EGFR: variants seen among roughly 807,000 people sequenced by gnomAD.
EGFR encodes avian erythroblastic leukemia viral (v-erb-b) oncogene homolog.
In EGFR, 58 loss-of-function variants were observed where a neutral mutation model predicts 143.0. That is an observed-to-expected ratio of 0.41 (90% CI 0.33 to 0.50). The LOEUF (loss-of-function observed/expected upper bound fraction) is 0.50. Ranked by LOEUF, EGFR falls within the 20% of genes least tolerant of loss-of-function variation. The pLI is 0.39. For synonymous variants in EGFR, 613 were observed against 594.4 expected, an observed-to-expected ratio of 1.03 and a Z score of -0.45; for missense variants, 1,307 against 1,579.0, an observed-to-expected ratio of 0.83 and a Z score of 2.92.
At chr7:55,055,700 G>GCA (rs1254666806) in intron 1 of EGFR, among the ~76,000 whole-genome samples, 54 of 120,512 alleles carry the variant, frequency 4.5e-4, no homozygotes, top group African/African-American at 1.7e-3. Context: ...TCTCCCTCTT[G>GCA]CACGCACACA....
At chr7:55,156,705 C>T (rs2128938561) in intron 9 of EGFR, 46 bp downstream of exon 9, 1 of 1,614,180 alleles carries the variant, frequency 6.2e-7, no homozygotes, top group Non-Finnish European at 8.5e-7. Flanking sequence ...ACAAAATCTG[C>T]CTTTTTAACT....
intron 1 of EGFR, among the ~76,000 whole-genome samples, chr7:55,025,032 A>G (rs890339182): frequency 6.6e-6 from 1 of 152,226 alleles, no homozygotes; most frequent in Admixed American, 6.5e-5. Flanking sequence ...TGCCAATAGC[A>G]GCAAAGTTCT....
chr7:55,126,263 C>T (rs550056071), intron 1 of EGFR, among the ~76,000 whole-genome samples: 1 of 152,348 alleles, frequency 6.6e-6, no homozygotes, highest in South Asian at 2.1e-4. Flanking sequence ...AGGGCAGGAA[C>T]AGCATTGGTT....
chr7:55,076,661 C>G (rs1790146676), intron 1 of EGFR, among the ~76,000 whole-genome samples: 1 of 152,120 alleles, frequency 6.6e-6, no homozygotes, highest in Admixed American at 6.5e-5. Context: ...GCAATGAAAC[C>G]TACTTATTGT....
At chr7:55,046,263 C>A (rs184941432) in intron 1 of EGFR, among the ~76,000 whole-genome samples, 1 of 152,092 alleles carries the variant, frequency 6.6e-6, no homozygotes, top group Non-Finnish European at 1.5e-5. Context: ...TTTACTTTTG[C>A]GGCTGTGTTT....
intron 1 of EGFR, among the ~76,000 whole-genome samples, chr7:55,020,283 C>G (rs966713342): frequency 3.3e-5 from 5 of 152,240 alleles, no homozygotes; most frequent in Non-Finnish European, 7.3e-5. Flanking sequence ...CTTCGATGGC[C>G]GCCTCGCGGA....
At chr7:55,146,554 G>A (rs975086443) in intron 3 of EGFR, 52 bp from the exon 4 acceptor site, 1 of 1,612,084 alleles carries the variant, frequency 6.2e-7, no homozygotes, top group Non-Finnish European at 8.5e-7. Flanking sequence ...ATCCTTCATG[G>A]GAATTTAAAG....
intron 10 of EGFR, among the ~76,000 whole-genome samples, chr7:55,157,459 G>C (rs1244468629): frequency 1.3e-5 from 2 of 152,234 alleles, no homozygotes; most frequent in African/African-American, 2.4e-5. Context: ...AGCGGAAGGC[G>C]GGAGGCAGCT....
At chr7:55,098,186 A>G (rs2128899174) in intron 1 of EGFR, among the ~76,000 whole-genome samples, 1 of 152,332 alleles carries the variant, frequency 6.6e-6, no homozygotes, top group East Asian at 1.9e-4. Context: ...GGAAAAAATG[A>G]GGGTGTTGGT....
chr7:55,067,653 G>A (rs1789578713), intron 1 of EGFR, among the ~76,000 whole-genome samples: 1 of 151,390 alleles, frequency 6.6e-6, no homozygotes, highest in Non-Finnish European at 1.5e-5. Context: ...TTCCTGAGGG[G>A]AAATATTTTT....
chr7:55,157,595 A>C (rs1785491662), intron 10 of EGFR, 68 bp from the exon 11 acceptor site: 1 of 1,276,958 alleles, frequency 7.8e-7, no homozygotes, highest in South Asian at 1.2e-5. Flanking sequence ...GAGAGTCTAG[A>C]GTAATGTCTC....
intron 1 of EGFR, among the ~76,000 whole-genome samples, chr7:55,119,585 C>G (rs1458386057): frequency 6.6e-6 from 1 of 152,232 alleles, no homozygotes; most frequent in Non-Finnish European, 1.5e-5. Context: ...TCTACTGAAA[C>G]TGATCTAGGA....
At chr7:55,185,283 C>T (rs574153330) in intron 20 of EGFR, among the ~76,000 whole-genome samples, 2 of 152,246 alleles carry the variant, frequency 1.3e-5, no homozygotes, top group East Asian at 1.9e-4. Context: ...CAGGAGCTTG[C>T]GGAGACACCA....
In EGFR at chr7:55,131,436, GGAAGGT is replaced by G. The variant is rs1052967787; in HGVS notation, c.89-10849_89-10844del. Among the ~76,000 whole-genome samples the G allele has an allele frequency of 1.6e-4, 24 of 152,266 alleles. No individual in the cohort carries two copies. In the South Asian group the frequency reaches 3.1e-3, roughly 20 times the overall value. On this transcript the variant is annotated intron_variant, in intron 1 of 27. Coordinates refer to ENST00000275493, the MANE Select transcript of EGFR (RefSeq NM_005228.5). Reference sequence around the variant, plus strand: ...GTAAAATTGAGTCAGTAATCTTTTAGGAAGGTTATTTTTCTTCCTTTTACTGCTTCT... The same window carrying G: ...GTAAAATTGAGTCAGTAATCTTTTAGTATTTTTCTTCCTTTTACTGCTTCT...
intron 1 of EGFR, among the ~76,000 whole-genome samples, chr7:55,099,288 T>C (rs548224676): frequency 6.6e-6 from 1 of 152,234 alleles, no homozygotes; most frequent in African/African-American, 2.4e-5. Context: ...TAACAGATGC[T>C]GTGCTGGGTT....
At chr7:55,021,552 A>G (rs1786567741) in intron 1 of EGFR, among the ~76,000 whole-genome samples, 1 of 152,252 alleles carries the variant, frequency 6.6e-6, no homozygotes, top group South Asian at 2.1e-4. Context: ...GAGTAGGAGA[A>G]CAGACGCTAT....
chr7:55,183,803 C>T lies in EGFR; in HGVS notation c.2469+2325C>T, dbSNP rs148038892. Among the ~76,000 whole-genome samples, 693 of 152,340 alleles carry T rather than the reference C, an allele frequency of 4.5e-3. 8 individuals are homozygous for T. The highest frequency in any genetic ancestry group is 0.015 in the African/African-American group (634 of 41,574). Reference sequence around the variant, plus strand: ...GTCCCAACCGGGAGGTGAGCCCTGGCTATTCCCCAAACCCGGCCCTGCATG... The same window carrying T: ...GTCCCAACCGGGAGGTGAGCCCTGGTTATTCCCCAAACCCGGCCCTGCATG... On this transcript the variant is annotated intron_variant, in intron 20 of 27. Coordinates refer to ENST00000275493, the MANE Select transcript of EGFR (RefSeq NM_005228.5).
At chr7:55,121,158 A>T (rs17336226) in intron 1 of EGFR, among the ~76,000 whole-genome samples, 1 of 152,226 alleles carries the variant, frequency 6.6e-6, no homozygotes, top group Non-Finnish European at 1.5e-5. Flanking sequence ...AGCTCCTCAC[A>T]CTGTCCTCTT....
At chr7:55,087,036 T>G (rs1349885041) in intron 1 of EGFR, among the ~76,000 whole-genome samples, 3 of 152,078 alleles carry the variant, frequency 2.0e-5, no homozygotes, top group African/African-American at 7.2e-5. Context: ...CATTATCTAC[T>G]GGTCAGAGTT....
Sources: gnomAD v4.1 joint callset for allele counts (sites outside exome capture counted in the v4.1 genomes callset) on GRCh38, gnomAD v4.1.1 for gene constraint, MANE v1.5 for transcripts, NCBI Gene and HGNC (gene_info 2026-07-23, HGNC 2026-07-21) for gene names.